Variants in NCK2 observed in about 807,000 individuals in gnomAD.
The protein encoded by NCK2 is NCK adaptor protein 2, also known as cytoplasmic protein NCK2.
In NCK2, 16 loss-of-function variants were observed where a neutral mutation model predicts 33.9. That is an observed-to-expected ratio of 0.47 (90% CI 0.32 to 0.72). NCK2 has a LOEUF of 0.72. Among genes scored for constraint, NCK2 ranks in the 30% least tolerant of loss-of-function variants. The pLI is 0.03. For missense variants in NCK2, 418 were observed against 537.3 expected, an observed-to-expected ratio of 0.78 and a Z score of 2.19; for synonymous variants, 273 against 239.9, an observed-to-expected ratio of 1.14 and a Z score of -1.27.
intron 1 of NCK2, among the ~76,000 whole-genome samples, chr2:105,779,293 C>T (rs1474207833): frequency 2.7e-5 from 3 of 112,110 alleles, no homozygotes; most frequent in African/African-American, 7.5e-5. Flanking sequence ...GGCAACAGGG[C>T]GAGACTCCGT....
chr2:105,803,669 G>A (rs546177094), intron 1 of NCK2, among the ~76,000 whole-genome samples: 9 of 152,260 alleles, frequency 5.9e-5, no homozygotes, highest in South Asian at 2.1e-4. Context: ...CAGGTTAGTC[G>A]TCTTTCACAC....
At chr2:105,752,396 A>G (rs1479015786) in intron 1 of NCK2, among the ~76,000 whole-genome samples, 1 of 87,850 alleles carries the variant, frequency 1.1e-5, no homozygotes, top group Non-Finnish European at 3.1e-5. Flanking sequence ...TAAAACTAAT[A>G]TCTATCATCA....
At chr2:105,852,268 C>T (rs6719259) in intron 2 of NCK2, among the ~76,000 whole-genome samples, 141,696 of 152,186 alleles carry the variant, frequency 0.93, 66,037 homozygotes, top group East Asian at 0.98. Context: ...GTGCGCATCA[C>T]TGCTCAACAT....
chr2:105,751,701 C>T (rs1320724115), intron 1 of NCK2, among the ~76,000 whole-genome samples: 2 of 152,186 alleles, frequency 1.3e-5, no homozygotes, highest in Non-Finnish European at 2.9e-5. Flanking sequence ...AGGGCTACCC[C>T]ACTACAGCTT....
intron 1 of NCK2, among the ~76,000 whole-genome samples, chr2:105,748,356 T>A (rs190437409): frequency 6.6e-6 from 1 of 152,310 alleles, no homozygotes; most frequent in Admixed American, 6.5e-5. Flanking sequence ...TGTCCCTGAT[T>A]TGTCATCTGT....
At chr2:105,827,990 T>G (rs1205200279) in intron 2 of NCK2, among the ~76,000 whole-genome samples, 1 of 152,208 alleles carries the variant, frequency 6.6e-6, no homozygotes, top group African/African-American at 2.4e-5. Context: ...ACTGCAGTTA[T>G]GTAGAATGTA....
chr2:105,800,156 G>T (rs58533035), intron 1 of NCK2, among the ~76,000 whole-genome samples: 4 of 152,196 alleles, frequency 2.6e-5, no homozygotes, highest in African/African-American at 9.6e-5. Context: ...TGGCTGCACC[G>T]TATAGTCTGG....
At position 105,869,606 on chromosome 2, in the gene NCK2, G is replaced by A. The variant is rs537253265; in HGVS notation, c.227-11722G>A. On this transcript the variant is annotated intron_variant, in intron 3 of 4. Coordinates refer to ENST00000233154, the MANE Select transcript of NCK2 (RefSeq NM_003581.5). ...ATGTGCTGTCTCTTTTTGTGTATTCGTCACATTTCACTTTCCTGAGCAGGT... is the reference window on the plus strand; with the variant it reads ...ATGTGCTGTCTCTTTTTGTGTATTCATCACATTTCACTTTCCTGAGCAGGT... 9.9e-5 allele frequency among the ~76,000 whole-genome samples: 15 copies of A among 152,238 alleles called. No homozygotes were observed. In the South Asian group the frequency reaches 2.3e-3, roughly 23 times the overall value.
chr2:105,810,183 T>C lies in NCK2; in HGVS notation c.-200-6247T>C, dbSNP rs774934266. On this transcript the variant is annotated intron_variant, in intron 1 of 4. Coordinates refer to ENST00000233154, the MANE Select transcript of NCK2 (RefSeq NM_003581.5). ...TGCTTAATTACCAAAGTAAAACATA[T>C]TATAAAAGTTCAGATGTTATAGAAA... Among the ~76,000 whole-genome samples the C allele has an allele frequency of 3.9e-5, 6 of 152,252 alleles. No homozygotes were observed. The South Asian group carries it at 6.2e-4, about 16-fold the overall frequency.
intron 1 of NCK2, among the ~76,000 whole-genome samples, chr2:105,812,862 A>G (rs1549769): frequency 6.7e-6 from 1 of 150,100 alleles, no homozygotes; most frequent in East Asian, 2.0e-4. Context: ...AGAAGCAGTA[A>G]CGTTGAAAAC....
intron 3 of NCK2, among the ~76,000 whole-genome samples, chr2:105,862,883 G>C (rs905496649): frequency 2.0e-5 from 3 of 152,222 alleles, no homozygotes; most frequent in Admixed American, 1.3e-4. Context: ...CGTAAAGGTA[G>C]CTGGGAGTCT....
At chr2:105,831,619 G>A (rs1676191379) in intron 2 of NCK2, among the ~76,000 whole-genome samples, 1 of 152,016 alleles carries the variant, frequency 6.6e-6, no homozygotes, top group South Asian at 2.1e-4. Context: ...TGGATATCCG[G>A]TTTTCCTACC....
chr2:105,758,555 G>A (rs1432740111), intron 1 of NCK2, among the ~76,000 whole-genome samples: 1 of 151,680 alleles, frequency 6.6e-6, no homozygotes, highest in Non-Finnish European at 1.5e-5. Context: ...TACTACAGGT[G>A]CGTACCACCA....
chr2:105,763,928 C>T (rs1312987780), intron 1 of NCK2, among the ~76,000 whole-genome samples: 3 of 152,198 alleles, frequency 2.0e-5, no homozygotes, highest in African/African-American at 7.2e-5. Flanking sequence ...TGTGAAGGTA[C>T]ATTCTTAAAG....
At chr2:105,851,567 T>A (rs1677070177) in intron 2 of NCK2, among the ~76,000 whole-genome samples, 1 of 152,218 alleles carries the variant, frequency 6.6e-6, no homozygotes, top group Non-Finnish European at 1.5e-5. Context: ...AGAGCTGAGC[T>A]TTCTAAGGGT....
rs143685767 is a variant in NCK2, at chr2:105,835,881, C to T, written c.-16-19167C>T. ...ATTTCAAAAGACCTGTCTCTATGTTCAGAAATTCTTTCTTCTGCTTGATCT... is the reference window on the plus strand; with the variant it reads ...ATTTCAAAAGACCTGTCTCTATGTTTAGAAATTCTTTCTTCTGCTTGATCT... On this transcript the variant is annotated intron_variant, in intron 2 of 4. Transcript: ENST00000233154. Among the ~76,000 whole-genome samples, 41 of 151,746 alleles carry T rather than the reference C, an allele frequency of 2.7e-4. 1 individual carries two copies. The East Asian group carries it at 8.0e-3, about 30-fold the overall frequency.
At chr2:105,773,728 T>C (rs977355469) in intron 1 of NCK2, among the ~76,000 whole-genome samples, 1 of 152,112 alleles carries the variant, frequency 6.6e-6, no homozygotes, top group African/African-American at 2.4e-5. Context: ...CTGAGCCAGG[T>C]GCTATTTCAG....
chr2:105,804,057 T>G (rs1674941929), intron 1 of NCK2, among the ~76,000 whole-genome samples: 1 of 152,206 alleles, frequency 6.6e-6, no homozygotes, highest in African/African-American at 2.4e-5. Flanking sequence ...GTTTTGGCTT[T>G]GCTTGCCCAT....
At chr2:105,891,579 G>A (rs1435545740) in intron 4 of NCK2, among the ~76,000 whole-genome samples, 1 of 49,522 alleles carries the variant, frequency 2.0e-5, no homozygotes, top group South Asian at 6.0e-4. Context: ...GAGATTTTTC[G>A]CTCTTGTTGC....
Sources: gnomAD v4.1 joint callset for allele counts (sites outside exome capture counted in the v4.1 genomes callset) on GRCh38, gnomAD v4.1.1 for gene constraint, MANE v1.5 for transcripts, NCBI Gene and HGNC (gene_info 2026-07-23, HGNC 2026-07-21) for gene names.